The following NCAPG2 variants were observed in gnomAD, a reference collection of about 807,000 sequenced individuals.
The protein encoded by NCAPG2 is condensin-2 complex subunit G2.
NCAPG2 carries 53 observed loss-of-function variants against 141.1 expected under a neutral mutation model. The ratio of observed to expected loss-of-function variants is 0.38; its 90% CI spans 0.30 to 0.47. The LOEUF (loss-of-function observed/expected upper bound fraction) is 0.47, where lower values mean the gene tolerates loss of function less well. Among genes scored for constraint, NCAPG2 ranks in the 20% least tolerant of loss-of-function variants. NCAPG2 has a pLI of 0.99. For missense variants in NCAPG2, 1,087 were observed against 1,389.0 expected (o/e 0.78, Z 3.46); for synonymous variants, 499 against 490.7 (o/e 1.02, Z -0.22).
chr7:158,678,846 A>G (rs903219456), intron 11 of NCAPG2, among the ~76,000 whole-genome samples: 1 of 151,748 alleles, frequency 6.6e-6, no homozygotes, highest in African/African-American at 2.4e-5. Context: ...TATTTATTAC[A>G]CTTTTTTTTC....
intron 27 of NCAPG2, among the ~76,000 whole-genome samples, chr7:158,642,297 G>A (rs1360843833): frequency 6.6e-6 from 1 of 152,218 alleles, no homozygotes; most frequent in Non-Finnish European, 1.5e-5. Flanking sequence ...CAGAACGTTA[G>A]GAGGCCGCAG....
At position 158,645,623 on chromosome 7, in the gene NCAPG2, C is replaced by A; in HGVS notation, c.3180-4G>T. 6.2e-7 allele frequency: 1 copy of A among 1,611,564 alleles called. No homozygotes were observed. The highest frequency in any genetic ancestry group is 2.2e-5 in the East Asian group (1 of 44,870). ...CTTTAATTCATCCAAAAATGACCTG[C>A]AAAAAAATCAACAAACATCAAAATT... is the stretch of plus-strand genomic sequence containing the variant. On this transcript the variant is annotated splice_region_variant and splice_polypyrimidine_tract_variant and intron_variant, in intron 25 of 27. Transcript: ENST00000356309.
In NCAPG2 at chr7:158,656,401, G is replaced by A; in HGVS notation, c.2247C>T (p.Ile749=). The part of the protein sequence containing the change: ...SNTASKGRVQ[I]HDTRPVKPEL... ...CAGGTTTGACTGGGCGTGTGTCATG[G>A]ATCTGCACCCTACCTTTAGAAGCTG... The change falls in exon 19 of 28, where the codon ATC becomes ATT. Residue 749 remains isoleucine, a synonymous_variant. Coordinates refer to ENST00000356309, the MANE Select transcript of NCAPG2 (RefSeq NM_017760.7). 1 of 1,614,170 alleles carries A rather than the reference G, an allele frequency of 6.2e-7. No individual in the cohort carries two copies. The highest frequency in any genetic ancestry group is 8.5e-7 in the Non-Finnish European group (1 of 1,180,042).
intron 2 of NCAPG2, among the ~76,000 whole-genome samples, chr7:158,701,133 G>A (rs1404876400): frequency 6.6e-6 from 1 of 152,162 alleles, no homozygotes; most frequent in African/African-American, 2.4e-5. Context: ...GTACTACACA[G>A]TCAGACGCCT....
At chr7:158,661,238 G>A (rs558540973) in intron 16 of NCAPG2, among the ~76,000 whole-genome samples, 1 of 152,326 alleles carries the variant, frequency 6.6e-6, no homozygotes, top group African/African-American at 2.4e-5. Flanking sequence ...GGTAGAAAAA[G>A]AGGCAAGAGT....
At chr7:158,659,329 C>CAA (rs34735258) in intron 16 of NCAPG2, among the ~76,000 whole-genome samples, 2,511 of 85,530 alleles carry the variant, frequency 0.029, 95 homozygotes, top group African/African-American at 0.097. Flanking sequence ...GACTCCATCT[C>CAA]AAAAAAAAAA....
At chr7:158,680,365 A>G (rs1363276752) in intron 10 of NCAPG2, among the ~76,000 whole-genome samples, 1 of 152,170 alleles carries the variant, frequency 6.6e-6, no homozygotes, top group African/African-American at 2.4e-5. Flanking sequence ...ACTGAAAGTT[A>G]TTGTGTGTTT....
At chr7:158,703,347 C>A (rs1188921735) in intron 1 of NCAPG2, among the ~76,000 whole-genome samples, 1 of 152,114 alleles carries the variant, frequency 6.6e-6, no homozygotes, top group Non-Finnish European at 1.5e-5. Context: ...ACATCTTCGC[C>A]CGGCAAGTCT....
chr7:158,672,328 A>ATAT (rs1833782089), intron 12 of NCAPG2, among the ~76,000 whole-genome samples: 2 of 32,240 alleles, frequency 6.2e-5, no homozygotes, highest in African/African-American at 1.3e-4. Flanking sequence ...ATATATATAT[A>ATAT]TTTTTTTTTT....
chr7:158,663,452 T>C (rs542187259), intron 15 of NCAPG2, among the ~76,000 whole-genome samples: 13 of 152,330 alleles, frequency 8.5e-5, no homozygotes, highest in South Asian at 6.2e-4. Flanking sequence ...GCTGGGCTGG[T>C]GGCCCATCAC....
chr7:158,648,264 A>G (rs1831175974), intron 24 of NCAPG2, among the ~76,000 whole-genome samples: 1 of 152,176 alleles, frequency 6.6e-6, no homozygotes, highest in African/African-American at 2.4e-5. Flanking sequence ...AGGTACTGAG[A>G]TAAGTTAAAC....
intron 13 of NCAPG2, among the ~76,000 whole-genome samples, chr7:158,668,695 AAG>A (rs932471466): frequency 8.5e-5 from 13 of 152,250 alleles, no homozygotes; most frequent in East Asian, 1.9e-4. Flanking sequence ...AAAACAAAAA[AAG>A]TAAAAATATT....
In NCAPG2 at chr7:158,652,361, T is replaced by C. The variant is rs1327981352; in HGVS notation, c.2866A>G (p.Lys956Glu). Residue 956 changes from lysine (K) to glutamate (E), a missense_variant, in exon 23 of 28, where the codon AAA becomes GAA. Transcript: ENST00000356309. ...EVAMLLDTVQ[K>E]VFQKMLECIA... ...CATTCCAACATTTTCTGAAATACTT[T>C]CTGGACTGTGTCCAACAGCATTGCA... 6.2e-7 allele frequency: 1 copy of C among 1,613,832 alleles called. No homozygotes were observed. The highest frequency in any genetic ancestry group is 8.5e-7 in the Non-Finnish European group (1 of 1,180,010).
chr7:158,644,464 G>C (rs1036800298), intron 26 of NCAPG2, 76 bp from the exon 27 acceptor site: 1 of 1,289,032 alleles, frequency 7.8e-7, no homozygotes, highest in African/African-American at 1.5e-5. Flanking sequence ...TACACATGTG[G>C]TACAACTTCC....
At chr7:158,662,472 C>T in intron 15 of NCAPG2, 105 bp from the exon 16 acceptor site, 1 of 1,030,136 alleles carries the variant, frequency 9.7e-7, no homozygotes, top group Admixed American at 3.3e-5. Context: ...TAGAGAACAT[C>T]CGTCTTACTT....
chr7:158,664,223 G>C lies in NCAPG2; in HGVS notation c.1776C>G (p.Asp592Glu). The C allele has an allele frequency of 6.2e-7, 1 of 1,613,512 alleles. No homozygotes were observed. Among genetic ancestry groups the C allele is most frequent in the Non-Finnish European group, 8.5e-7 (1 of 1,179,466 alleles). The change falls in exon 15 of 28, where the codon GAC becomes GAG. Residue 592 changes from aspartate to glutamate, a missense_variant. Physicochemically the swap from Asp to Glu is conservative, Grantham distance 45. Transcript: ENST00000356309. ...IQRAVREPPE[D>E]EEEEDGREKE... ...TCTCCCTTCCGTCCTCTTCCTCCTC[G>C]TCCTCTGGAGGCTCTCTCACTGCCC... is the stretch of plus-strand genomic sequence containing the variant.
intron 13 of NCAPG2, chr7:158,665,034 C>T (rs765502859): frequency 1.0e-5 from 3 of 295,654 alleles, no homozygotes; most frequent in Non-Finnish European, 1.9e-5. Flanking sequence ...GTAAACTCTC[C>T]AATGATAGCT....
At chr7:158,693,185 T>C (rs1835235575) in intron 3 of NCAPG2, 124 bp downstream of exon 3, 1 of 1,085,996 alleles carries the variant, frequency 9.2e-7, no homozygotes, top group Non-Finnish European at 1.3e-6. Flanking sequence ...AGACTAAACT[T>C]CTAAAATTCT....
At position 158,687,644 on chromosome 7, in the gene NCAPG2, G is replaced by C. The variant is rs1024539831; in HGVS notation, c.673-202C>G. Among the ~76,000 whole-genome samples the C allele has an allele frequency of 2.6e-5, 4 of 152,330 alleles. No homozygotes were observed. The South Asian group carries it at 6.2e-4, about 24-fold the overall frequency. ...GGAGCCACACAAGCCACCTCCCCCAGGGCCGAGCAGCCGCTACACTGAGCG... is the reference window on the plus strand; with the variant it reads ...GGAGCCACACAAGCCACCTCCCCCACGGCCGAGCAGCCGCTACACTGAGCG... On this transcript the variant is annotated intron_variant, in intron 6 of 27. Coordinates refer to ENST00000356309, the MANE Select transcript of NCAPG2 (RefSeq NM_017760.7).
Sources: allele counts gnomAD v4.1 joint callset (sites outside exome capture counted in the v4.1 genomes callset), GRCh38; gene constraint gnomAD v4.1.1; transcripts MANE v1.5; gene names NCBI Gene and HGNC (gene_info 2026-07-23, HGNC 2026-07-21).